LINGO2: variants seen among roughly 807,000 people sequenced by gnomAD.
LINGO2 encodes the protein leucine-rich repeat and immunoglobulin-like domain-containing nogo receptor-interacting protein 2.
In LINGO2, 14 loss-of-function variants were observed where a neutral mutation model predicts 30.6. The observed-to-expected ratio is 0.46, with a 90% CI of 0.30 to 0.72. The LOEUF is 0.72. Among genes scored for constraint, LINGO2 ranks in the 30% least tolerant of loss-of-function variants. The probability of loss-of-function intolerance (pLI) is 0.07; values close to 1 mark genes in which losing one functional copy is unlikely to be tolerated. For synonymous variants in LINGO2, 317 were observed against 288.5 expected, an observed-to-expected ratio of 1.10 and a Z score of -1.00; for missense variants, 729 against 751.7, an observed-to-expected ratio of 0.97 and a Z score of 0.35.
intron 4 of LINGO2, among the ~76,000 whole-genome samples, chr9:28,110,730 G>A (rs768689576): frequency 6.6e-6 from 1 of 152,098 alleles, no homozygotes; most frequent in Middle Eastern, 3.2e-3. Context: ...AAAAAGTCAG[G>A]AAACAGCAAA....
At chr9:28,988,539 A>C in the LINGO2 span, among the ~76,000 whole-genome samples, 3 of 152,130 alleles carry the variant, frequency 2.0e-5, no homozygotes, top group Non-Finnish European at 4.4e-5. Flanking sequence ...CACAGCAATT[A>C]CTGATATGTA....
chr9:28,233,063 A>ATATATATATATATAT (rs1308692360), intron 4 of LINGO2, among the ~76,000 whole-genome samples: 7 of 89,516 alleles, frequency 7.8e-5, no homozygotes, highest in African/African-American at 4.0e-4. Context: ...TATATATATT[A>ATATATATATATATAT]GATATATAAT....
chr9:28,220,930 T>C (rs1820935189), intron 4 of LINGO2, among the ~76,000 whole-genome samples: 1 of 152,094 alleles, frequency 6.6e-6, no homozygotes, highest in Non-Finnish European at 1.5e-5. Context: ...TAATTACAGT[T>C]AGTAGGAATA....
At chr9:28,245,272 C>T (rs1821956171) in intron 4 of LINGO2, among the ~76,000 whole-genome samples, 1 of 152,072 alleles carries the variant, frequency 6.6e-6, no homozygotes. Flanking sequence ...AGGTTAAAAA[C>T]TCTCAATAAA....
chr9:28,488,473 G>T (rs1439272773), intron 1 of LINGO2, among the ~76,000 whole-genome samples: 4 of 152,090 alleles, frequency 2.6e-5, no homozygotes, highest in Admixed American at 2.0e-4. Context: ...GACAATATAG[G>T]ATAGTGGTTA....
chr9:29,163,550 T>A, the LINGO2 span, among the ~76,000 whole-genome samples: 3 of 152,174 alleles, frequency 2.0e-5, no homozygotes, highest in Middle Eastern at 3.2e-3. Flanking sequence ...TTTCTAGGTA[T>A]AAGGAAAGCT....
the LINGO2 span, among the ~76,000 whole-genome samples, chr9:28,691,639 T>A: frequency 6.6e-6 from 1 of 152,114 alleles, no homozygotes; most frequent in African/African-American, 2.4e-5. Context: ...TAAAAGAATA[T>A]CCATCATAGT....
the LINGO2 span, among the ~76,000 whole-genome samples, chr9:28,993,897 C>A: frequency 6.6e-6 from 1 of 151,844 alleles, no homozygotes; most frequent in Non-Finnish European, 1.5e-5. Flanking sequence ...TATGACAGAC[C>A]CACAGCCAAT....
At chr9:28,053,046 C>T (rs1057171218) in intron 4 of LINGO2, among the ~76,000 whole-genome samples, 1 of 152,020 alleles carries the variant, frequency 6.6e-6, no homozygotes, top group African/African-American at 2.4e-5. Context: ...AGTTTATAAT[C>T]CAGAGAGTAA....
intron 3 of LINGO2, among the ~76,000 whole-genome samples, chr9:28,295,737 A>G (rs1267172807): frequency 6.6e-6 from 1 of 152,172 alleles, no homozygotes; most frequent in Non-Finnish European, 1.5e-5. Flanking sequence ...TCTCAGGGTA[A>G]CTGGGCAATG....
the LINGO2 span, among the ~76,000 whole-genome samples, chr9:29,117,228 A>G: frequency 6.6e-6 from 1 of 152,170 alleles, no homozygotes; most frequent in African/African-American, 2.4e-5. Context: ...AGGAAGCAGG[A>G]TAGGGCAGGG....
intron 2 of LINGO2, among the ~76,000 whole-genome samples, chr9:28,382,118 C>CT (rs1821381133): frequency 2.0e-5 from 3 of 152,086 alleles, no homozygotes; most frequent in Non-Finnish European, 4.4e-5. Context: ...GATAATAATA[C>CT]TTGCCTCAAG....
chr9:28,643,984 T>C (rs1827721732), intron 1 of LINGO2, among the ~76,000 whole-genome samples: 2 of 152,000 alleles, frequency 1.3e-5, no homozygotes, highest in Admixed American at 1.3e-4. Context: ...TCCGATAAGA[T>C]AGCATCTCAA....
chr9:29,163,878 T>C, the LINGO2 span, among the ~76,000 whole-genome samples: 1 of 152,182 alleles, frequency 6.6e-6, no homozygotes, highest in Non-Finnish European at 1.5e-5. Context: ...TCTAGAACCC[T>C]GTTAACTGCT....
At chr9:28,768,621 C>CACAA in the LINGO2 span, among the ~76,000 whole-genome samples, 5 of 141,624 alleles carry the variant, frequency 3.5e-5, no homozygotes, top group Admixed American at 3.5e-4. Context: ...GGGACACACA[C>CACAA]ACACACACAC....
intron 4 of LINGO2, among the ~76,000 whole-genome samples, chr9:28,094,279 G>T (rs977339450): frequency 6.6e-6 from 1 of 152,074 alleles, no homozygotes; most frequent in Non-Finnish European, 1.5e-5. Context: ...CTTGTCAAAT[G>T]AATACCTTTC....
the LINGO2 span, among the ~76,000 whole-genome samples, chr9:28,912,538 C>T: frequency 6.6e-6 from 1 of 152,048 alleles, no homozygotes; most frequent in Middle Eastern, 3.2e-3. Context: ...GACAGTTGCC[C>T]ATAGGAGAAA....
At position 28,557,619 on chromosome 9, in the gene LINGO2, C is replaced by T. The variant is rs1482522596; in HGVS notation, c.-364-81594G>A. On this transcript the variant is annotated intron_variant, in intron 1 of 5. Coordinates refer to ENST00000379992, the Ensembl canonical transcript of LINGO2. ...CCTCAGGGATCTAGAACTAGAAATA[C>T]CATTTGACCCAGCCATCCCATTACT... Among the ~76,000 whole-genome samples, 33 of 151,722 alleles carry T rather than the reference C, an allele frequency of 2.2e-4. 3 individuals carry two copies.
intron 3 of LINGO2, among the ~76,000 whole-genome samples, chr9:28,325,828 C>T (rs1825208205): frequency 6.6e-6 from 1 of 152,088 alleles, no homozygotes; most frequent in Admixed American, 6.5e-5. Flanking sequence ...AAACTCTGGC[C>T]TAGTACCCTC....
Sources: gnomAD v4.1 joint callset for allele counts (sites outside exome capture counted in the v4.1 genomes callset) on GRCh38, gnomAD v4.1.1 for gene constraint, MANE v1.5 for transcripts, NCBI Gene and HGNC (gene_info 2026-07-23, HGNC 2026-07-21) for gene names.